The following KIAA1549L variants were observed in gnomAD, a reference collection of about 807,000 sequenced individuals.
KIAA1549L encodes the protein UPF0606 protein KIAA1549L.
A neutral mutation model predicts 160.7 loss-of-function variants in KIAA1549L; 88 were observed. That is an observed-to-expected ratio of 0.55 (90% confidence interval 0.46 to 0.65). KIAA1549L has a LOEUF of 0.65. Ranked by LOEUF, KIAA1549L falls within the 30% of genes least tolerant of loss-of-function variation. The pLI is 0.00. For synonymous variants in KIAA1549L, 950 were observed against 976.7 expected, an observed-to-expected ratio of 0.97 and a Z score of 0.51; for missense variants, 2,258 against 2,437.5, an observed-to-expected ratio of 0.93 and a Z score of 1.55.
intron 1 of KIAA1549L, among the ~76,000 whole-genome samples, chr11:33,404,625 G>A (rs1478749206): frequency 6.6e-6 from 1 of 152,058 alleles, no homozygotes; most frequent in Non-Finnish European, 1.5e-5. Flanking sequence ...GATGAAGGTC[G>A]TGAATAGACA....
At chr11:33,500,685 A>G (rs1027100439) in intron 1 of KIAA1549L, among the ~76,000 whole-genome samples, 4 of 152,174 alleles carry the variant, frequency 2.6e-5, no homozygotes, top group Non-Finnish European at 5.9e-5. Context: ...AAAGAAAAAA[A>G]TAAATGTTTA....
intron 1 of KIAA1549L, among the ~76,000 whole-genome samples, chr11:33,483,331 C>T (rs745784106): frequency 2.6e-5 from 4 of 152,116 alleles, no homozygotes; most frequent in Admixed American, 6.5e-5. Context: ...GAGAAATCTA[C>T]GTTCTGGGCG....
intron 16 of KIAA1549L, among the ~76,000 whole-genome samples, chr11:33,619,361 G>C (rs1850902088): frequency 6.6e-6 from 1 of 152,144 alleles, no homozygotes; most frequent in South Asian, 2.1e-4. Context: ...ACCTAGGTTT[G>C]TGAACAGTGT....
intron 10 of KIAA1549L, 28 bp downstream of exon 10, chr11:33,574,901 T>G (rs776611845): frequency 6.3e-7 from 1 of 1,585,486 alleles, no homozygotes; most frequent in Admixed American, 1.7e-5. Flanking sequence ...TTATTCAGTC[T>G]TTTTAATGCC....
At chr11:33,571,454 T>C (rs1216435935) in intron 9 of KIAA1549L, among the ~76,000 whole-genome samples, 1 of 152,252 alleles carries the variant, frequency 6.6e-6, no homozygotes, top group East Asian at 1.9e-4. Context: ...CTGAGTACTT[T>C]ATAAGAAAAG....
At chr11:33,418,814 C>T (rs1259629887) in intron 1 of KIAA1549L, among the ~76,000 whole-genome samples, 2 of 151,644 alleles carry the variant, frequency 1.3e-5, no homozygotes, top group East Asian at 1.9e-4. Context: ...GAAGGACATC[C>T]TGTTTCTAGG....
intron 1 of KIAA1549L, among the ~76,000 whole-genome samples, chr11:33,467,471 G>T (rs950286841): frequency 2.0e-5 from 3 of 152,206 alleles, no homozygotes; most frequent in African/African-American, 7.2e-5. Flanking sequence ...AGGGACATAG[G>T]GGTGATTTGC....
At position 33,645,830 on chromosome 11, in the gene KIAA1549L, C is replaced by T. The variant is rs747865886; in HGVS notation, c.5554C>T (p.His1852Tyr). 1.9e-6 allele frequency: 3 copies of T among 1,613,976 alleles called. No individual in the cohort carries two copies. Among genetic ancestry groups the T allele is most frequent in the Non-Finnish European group, 2.5e-6 (3 of 1,179,896 alleles). ...PSIDEVRQQM[H>Y]MLLEEAFSLA... ...CATCGACGAGGTCAGGCAGCAGATG[C>T]ACATGCTGCTGGAGGAGGCCTTCAG... is the stretch of plus-strand genomic sequence containing the variant. Residue 1852 changes from histidine to tyrosine, a missense_variant, in exon 17 of 21, where the codon CAC becomes TAC. Transcript: ENST00000658780.
intron 10 of KIAA1549L, among the ~76,000 whole-genome samples, chr11:33,577,448 G>A (rs1413808525): frequency 6.6e-6 from 1 of 152,188 alleles, no homozygotes; most frequent in African/African-American, 2.4e-5. Flanking sequence ...AGAAGAGAGA[G>A]GCAGGAATTG....
At chr11:33,449,808 G>T (rs1403184920) in intron 1 of KIAA1549L, among the ~76,000 whole-genome samples, 6 of 152,172 alleles carry the variant, frequency 3.9e-5, no homozygotes, top group South Asian at 2.1e-4. Flanking sequence ...AGATCCGGAA[G>T]AAAAAGAAGG....
In KIAA1549L at chr11:33,598,944, A is replaced by G. The variant is rs767570984; in HGVS notation, c.4876A>G (p.Asn1626Asp). ...KVTKEEARKR[N>D]VPASDEEEGA... ...GACAAAGGAGGAGGCAAGGAAGAGAAATGGTGAGAAGCCTTCCCTCCAAGA... is the reference window on the plus strand; with the variant it reads ...GACAAAGGAGGAGGCAAGGAAGAGAGATGGTGAGAAGCCTTCCCTCCAAGA... Residue 1626 changes from asparagine (N) to aspartate (D), a missense_variant, in exon 13 of 21, where the codon AAT (asparagine) becomes GAT (aspartate). Asn to Asp is a conservative substitution (Grantham distance 23, BLOSUM62 1). Coordinates refer to ENST00000658780, the MANE Select transcript of KIAA1549L (RefSeq NM_012194.3). 1 of 1,613,046 alleles carries G rather than the reference A, an allele frequency of 6.2e-7. No homozygotes were observed. Among genetic ancestry groups the G allele is most frequent in the East Asian group, 2.2e-5 (1 of 44,832 alleles).
intron 1 of KIAA1549L, among the ~76,000 whole-genome samples, chr11:33,464,807 C>T (rs1263356395): frequency 6.6e-6 from 1 of 151,994 alleles, no homozygotes; most frequent in African/African-American, 2.4e-5. Context: ...TCTTGATCAC[C>T]CTGTGTCTTC....
chr11:33,426,895 G>C (rs116128739), intron 1 of KIAA1549L, among the ~76,000 whole-genome samples: 2 of 152,124 alleles, frequency 1.3e-5, no homozygotes, highest in South Asian at 4.2e-4. Flanking sequence ...TAGAAAATTA[G>C]GAATCAGTGT....
At position 33,376,949 on chromosome 11, in the gene KIAA1549L, G is replaced by T. The variant is rs1356653759; in HGVS notation, c.238+60G>T. 2 of 152,372 alleles carry T rather than the reference G, an allele frequency of 1.3e-5. No homozygotes were observed. Among genetic ancestry groups the T allele is most frequent in the Non-Finnish European group, 2.9e-5 (2 of 68,188 alleles). The allele number at this position is 152,372 out of a possible 1,614,324, so 9.4% of individuals were successfully genotyped here. A position where few individuals can be genotyped will look rare whatever the true frequency, so the allele number is the denominator to read the frequency against. Reference sequence around the variant, plus strand: ...TCTGGAGGAGCGGGGCGGCGGGACGGGACCCACACCTGCCCAGGTGGCGGT... The same window carrying T: ...TCTGGAGGAGCGGGGCGGCGGGACGTGACCCACACCTGCCCAGGTGGCGGT... On this transcript the variant is annotated intron_variant, in intron 1 of 20. Coordinates refer to ENST00000658780, the MANE Select transcript of KIAA1549L (RefSeq NM_012194.3). The surrounding 1 kb of genome is among the most constrained non-coding windows in gnomAD (Gnocchi z 5.8).
intron 16 of KIAA1549L, among the ~76,000 whole-genome samples, chr11:33,624,581 A>T (rs894006113): frequency 1.3e-5 from 2 of 152,206 alleles, no homozygotes; most frequent in African/African-American, 4.8e-5. Context: ...AAAAGGAAAA[A>T]AAACTTAAAT....
intron 1 of KIAA1549L, among the ~76,000 whole-genome samples, chr11:33,492,511 T>C (rs1376660889): frequency 2.0e-5 from 3 of 152,194 alleles, no homozygotes; most frequent in Admixed American, 2.0e-4. Context: ...AGGTTTTATC[T>C]TTCTCTGTCA....
At chr11:33,606,538 T>C (rs1850505718) in intron 13 of KIAA1549L, 103 bp from the exon 14 acceptor site, 1 of 1,156,256 alleles carries the variant, frequency 8.6e-7, no homozygotes, top group Admixed American at 2.5e-5. Flanking sequence ...TGAGGTTGTT[T>C]TGAGTAAAGT....
chr11:33,516,767 CTTT>C (rs994838458), intron 1 of KIAA1549L, among the ~76,000 whole-genome samples: 1 of 151,312 alleles, frequency 6.6e-6, no homozygotes, highest in Non-Finnish European at 1.5e-5. Context: ...GAATTGGCAA[CTTT>C]TTTTTTAGCA....
intron 1 of KIAA1549L, among the ~76,000 whole-genome samples, chr11:33,421,333 C>T (rs1283909901): frequency 6.6e-6 from 1 of 152,094 alleles, no homozygotes; most frequent in East Asian, 1.9e-4. Context: ...AGGAAAGCTC[C>T]CCTGGTGGGA....
Sources: gnomAD v4.1 joint callset for allele counts (sites outside exome capture counted in the v4.1 genomes callset) on GRCh38, gnomAD v4.1.1 for gene constraint, Gnocchi (gnomAD v3.1) non-coding constraint, MANE v1.5 for transcripts, NCBI Gene and HGNC (gene_info 2026-07-23, HGNC 2026-07-21) for gene names.